The following POU2F2 variants were observed in gnomAD, a reference collection of about 807,000 sequenced individuals.
POU2F2 encodes POU class 2 homeobox 2, also known as POU domain, class 2, transcription factor 2.
A neutral mutation model predicts 63.5 loss-of-function variants in POU2F2; 14 were observed. The ratio of observed to expected loss-of-function variants is 0.22; its 90% CI spans 0.15 to 0.34. POU2F2 has a LOEUF of 0.34. Among genes scored for constraint, POU2F2 ranks in the 10% least tolerant of loss-of-function variants. POU2F2 has a pLI of 1.00. For synonymous variants in POU2F2, 306 were observed against 348.6 expected (o/e 0.88, Z 1.36); for missense variants, 607 against 815.2 (o/e 0.74, Z 3.11).
Position 42,194,902 on chromosome 19 carries a change from A to C in POU2F2, c.-70+1481T>G, listed in dbSNP as rs539299324. 5.5e-3 allele frequency among the ~76,000 whole-genome samples: 619 copies of C among 113,516 alleles called. 8 individuals are homozygous for C. The highest frequency in any genetic ancestry group is 0.021 in the African/African-American group (589 of 28,116). 74.5% of individuals were successfully genotyped at this position (113,516 alleles called of 152,430 possible). A position where few individuals can be genotyped will look rare whatever the true frequency, so the allele number is the denominator to read the frequency against. On this transcript the variant is annotated intron_variant, in intron 1 of 5. Transcript: ENST00000532176. ...AAGGAAGGAAGGAAGAAAGGGAGGG[A>C]GGGAAGGAGGAAGGAAGGGAAGGAG...
intron 7 of POU2F2, among the ~76,000 whole-genome samples, chr19:42,097,005 GAA>G (rs891350078): frequency 7.7e-6 from 1 of 130,672 alleles, no homozygotes. Flanking sequence ...TAAAAGTTAA[GAA>G]AAAAAAAAAA....
intron 2 of POU2F2, among the ~76,000 whole-genome samples, chr19:42,139,696 T>C (rs975518912): frequency 3.6e-4 from 54 of 152,016 alleles, no homozygotes; most frequent in African/African-American, 1.3e-3. Flanking sequence ...CACCTCAGCC[T>C]CCCAAAGTGC....
intron 1 of POU2F2, among the ~76,000 whole-genome samples, chr19:42,165,285 G>A (rs2034628632): frequency 6.6e-6 from 1 of 152,214 alleles, no homozygotes; most frequent in South Asian, 2.1e-4. Flanking sequence ...TCACTCCTCT[G>A]GCTTCTGCTC....
At chr19:42,106,019 CT>C (rs1304718734) in intron 5 of POU2F2, among the ~76,000 whole-genome samples, 1 of 141,554 alleles carries the variant, frequency 7.1e-6, no homozygotes, top group African/African-American at 2.7e-5. Context: ...TTCTTTCTTT[CT>C]TTCTTTCTTT....
At chr19:42,146,997 G>A (rs547093660) in intron 2 of POU2F2, among the ~76,000 whole-genome samples, 202 of 152,258 alleles carry the variant, frequency 1.3e-3, no homozygotes, top group African/African-American at 4.5e-3. Context: ...TCTCCTCCCC[G>A]AAGGTGTCCC....
chr19:42,179,092 G>C (rs1228891168), upstream of POU2F2, among the ~76,000 whole-genome samples: 1 of 152,112 alleles, frequency 6.6e-6, no homozygotes, highest in Non-Finnish European at 1.5e-5. Flanking sequence ...GGTAGACAAG[G>C]CTGGGGATGG....
intron 2 of POU2F2, among the ~76,000 whole-genome samples, chr19:42,141,493 T>C (rs1308990918): frequency 6.7e-6 from 1 of 148,592 alleles, no homozygotes; most frequent in Non-Finnish European, 1.5e-5. Flanking sequence ...TTTTTTTTTT[T>C]TTTTTGAGAA....
intron 2 of POU2F2, among the ~76,000 whole-genome samples, chr19:42,140,515 T>C (rs1345658623): frequency 6.6e-6 from 1 of 152,160 alleles, no homozygotes; most frequent in Non-Finnish European, 1.5e-5. Context: ...GTCCCCAACA[T>C]GGGGCCTTCA....
chr19:42,144,004 T>G (rs889097999), intron 2 of POU2F2, among the ~76,000 whole-genome samples: 1 of 152,196 alleles, frequency 6.6e-6, no homozygotes, highest in East Asian at 1.9e-4. Context: ...TGAATGTTTA[T>G]GCCAGCACAG....
chr19:42,127,161 T>C (rs560745707), intron 1 of POU2F2, among the ~76,000 whole-genome samples: 2 of 152,016 alleles, frequency 1.3e-5, no homozygotes, highest in Admixed American at 6.6e-5. Flanking sequence ...CCTTATGTTG[T>C]CCAGGCTGGT....
At chr19:42,122,271 C>G in intron 3 of POU2F2, 73 bp downstream of exon 3, 1 of 1,515,782 alleles carries the variant, frequency 6.6e-7, no homozygotes, top group Non-Finnish European at 9.0e-7. Context: ...CTACCATAGG[C>G]GGCACAGAGC....
intron 1 of POU2F2, among the ~76,000 whole-genome samples, chr19:42,127,942 C>T (rs2033355486): frequency 6.6e-6 from 1 of 152,044 alleles, no homozygotes; most frequent in Non-Finnish European, 1.5e-5. Context: ...AGGCCTTTGC[C>T]TCTGCTCGTC....
intron 2 of POU2F2, among the ~76,000 whole-genome samples, chr19:42,145,483 C>T (rs1317442954): frequency 1.3e-5 from 2 of 152,214 alleles, no homozygotes; most frequent in Admixed American, 6.5e-5. Context: ...TAGCCCAGAT[C>T]GCATGAGACA....
chr19:42,091,467 A>G lies in POU2F2; in HGVS notation c.1665T>C (p.His555=). ...GGGTGCTGAGCAGGGGCAGCCCAGCATGATTCAAGAAGAGCGGCGAGGTCA... is the reference window on the plus strand; with the variant it reads ...GGGTGCTGAGCAGGGGCAGCCCAGCGTGATTCAAGAAGAGCGGCGAGGTCA... The part of the protein sequence containing the change: ...GLVTSPLFLN[H]AGLPLLSTPP... Residue 555 remains histidine (H), a synonymous_variant, in exon 15 of 15, where the codon CAT becomes CAC. Transcript: ENST00000692977. The G allele has an allele frequency of 6.4e-7, 1 of 1,550,992 alleles. No homozygotes were observed. Among genetic ancestry groups the G allele is most frequent in the East Asian group, 2.4e-5 (1 of 40,912 alleles).
intron 5 of POU2F2, among the ~76,000 whole-genome samples, chr19:42,113,330 C>A (rs1311316567): frequency 2.0e-5 from 3 of 152,126 alleles, no homozygotes; most frequent in African/African-American, 7.2e-5. Context: ...GCAAAACATC[C>A]CTCATTGATT....
In POU2F2 at chr19:42,099,838, T is replaced by G. The variant is rs1442229910; in HGVS notation, c.370-17A>C. ...CTGTATGTCCTGGCAGGGAGTGGGG[T>G]GGACAGAAAGATAGCCTGAGTCCTG... On this transcript the variant is annotated splice_polypyrimidine_tract_variant and intron_variant, in intron 5 of 14. Coordinates refer to ENST00000692977, the MANE Select transcript of POU2F2 (RefSeq NM_001394376.1). 6.5e-7 allele frequency: 1 copy of G among 1,548,566 alleles called. No homozygotes were observed. Among genetic ancestry groups the G allele is most frequent in the Admixed American group, 1.9e-5 (1 of 51,312 alleles).
At chr19:42,139,314 T>C (rs1481762514) in intron 2 of POU2F2, among the ~76,000 whole-genome samples, 2 of 151,968 alleles carry the variant, frequency 1.3e-5, no homozygotes, top group Non-Finnish European at 2.9e-5. Flanking sequence ...AGCGAGACTG[T>C]CTCTGAAAAA....
intron 2 of POU2F2, among the ~76,000 whole-genome samples, chr19:42,142,315 C>A (rs924051383): frequency 6.6e-6 from 1 of 151,792 alleles, no homozygotes; most frequent in South Asian, 2.1e-4. Context: ...CTCAGCCTCC[C>A]GAGTAGCTGG....
chr19:42,178,669 G>C (rs568777817), upstream of POU2F2, among the ~76,000 whole-genome samples: 22 of 152,334 alleles, frequency 1.4e-4, no homozygotes, highest in African/African-American at 5.3e-4. Context: ...AAAAGGCACA[G>C]AGAGAGTCAA....
Sources: allele counts gnomAD v4.1 joint callset (sites outside exome capture counted in the v4.1 genomes callset), GRCh38; gene constraint gnomAD v4.1.1; transcripts MANE v1.5; gene names NCBI Gene and HGNC (gene_info 2026-07-23, HGNC 2026-07-21).